Variants in UNC5D observed in about 807,000 individuals in gnomAD.
UNC5D encodes netrin receptor UNC5D.
A neutral mutation model predicts 105.4 loss-of-function variants in UNC5D; 39 were observed. The observed-to-expected ratio is 0.37, with a 90% CI of 0.29 to 0.48. The LOEUF (loss-of-function observed/expected upper bound fraction) is 0.48, where lower values mean the gene tolerates loss of function less well. Ranked by LOEUF, UNC5D falls within the 20% of genes least tolerant of loss-of-function variation. The pLI, the probability that UNC5D is intolerant of heterozygous loss-of-function variation, is 0.98. For missense variants in UNC5D, 991 were observed against 1,202.4 expected, an observed-to-expected ratio of 0.82 and a Z score of 2.60; for synonymous variants, 452 against 450.4, an observed-to-expected ratio of 1.00 and a Z score of -0.04.
chr8:35,639,923 A>G (rs1268397291), intron 4 of UNC5D, among the ~76,000 whole-genome samples: 1 of 151,338 alleles, frequency 6.6e-6, no homozygotes, highest in Non-Finnish European at 1.5e-5. Context: ...ATGAGGTCTC[A>G]TTTATTGCCC....
intron 4 of UNC5D, among the ~76,000 whole-genome samples, chr8:35,609,807 G>A (rs1820555303): frequency 6.6e-6 from 1 of 152,156 alleles, no homozygotes; most frequent in African/African-American, 2.4e-5. Context: ...GGGGCTCATG[G>A]GGTCACCACT....
intron 1 of UNC5D, chr8:35,544,362 C>T: frequency 6.3e-7 from 1 of 1,582,758 alleles, no homozygotes. Flanking sequence ...ACGTTTTCTG[C>T]CACAAATAAC....
chr8:35,742,090 G>A (rs981031653), intron 11 of UNC5D, among the ~76,000 whole-genome samples: 1 of 152,020 alleles, frequency 6.6e-6, no homozygotes, highest in Non-Finnish European at 1.5e-5. Flanking sequence ...CACACATAGC[G>A]ATTACCAGAA....
intron 1 of UNC5D, among the ~76,000 whole-genome samples, chr8:35,384,714 T>C (rs958143189): frequency 1.3e-5 from 2 of 152,222 alleles, no homozygotes; most frequent in Admixed American, 1.3e-4. Context: ...GGTAAAAATT[T>C]CCGTGTATTT....
intron 1 of UNC5D, among the ~76,000 whole-genome samples, chr8:35,491,646 C>T (rs1050301016): frequency 1.3e-5 from 2 of 151,946 alleles, no homozygotes; most frequent in Non-Finnish European, 1.5e-5. Context: ...GGATCCACGA[C>T]TGGAAATACT....
At chr8:35,659,102 ATTT>A (rs1343557123) in intron 4 of UNC5D, among the ~76,000 whole-genome samples, 1 of 152,214 alleles carries the variant, frequency 6.6e-6, no homozygotes, top group Non-Finnish European at 1.5e-5. Flanking sequence ...TATGCTATGC[ATTT>A]TTATCATACT....
At chr8:35,536,852 C>T (rs556187100) in intron 1 of UNC5D, among the ~76,000 whole-genome samples, 26 of 151,864 alleles carry the variant, frequency 1.7e-4, no homozygotes, top group Non-Finnish European at 3.4e-4. Context: ...AAAATTTAGC[C>T]GGGTGTAGTG....
At chr8:35,353,923 T>C (rs1355077760) in intron 1 of UNC5D, among the ~76,000 whole-genome samples, 1 of 152,142 alleles carries the variant, frequency 6.6e-6, no homozygotes, top group Non-Finnish European at 1.5e-5. Context: ...GAGTACTGAC[T>C]GGCTAGAGAC....
intron 14 of UNC5D, among the ~76,000 whole-genome samples, chr8:35,761,057 G>C (rs1028522978): frequency 1.3e-5 from 2 of 151,840 alleles, no homozygotes; most frequent in African/African-American, 4.8e-5. Flanking sequence ...AGGGGGCCAG[G>C]GGCACATTCA....
At chr8:35,759,245 GT>G in intron 13 of UNC5D, 74 bp from the exon 14 acceptor site, 1 of 1,541,164 alleles carries the variant, frequency 6.5e-7, no homozygotes, top group Middle Eastern at 1.7e-4. Context: ...GTGAGCATGT[GT>G]ATCCCTAGAT....
intron 1 of UNC5D, among the ~76,000 whole-genome samples, chr8:35,285,111 A>G (rs1806494673): frequency 6.6e-6 from 1 of 152,228 alleles, no homozygotes. Context: ...GCTGTTATAC[A>G]ATACCACAAA....
At chr8:35,288,626 C>A (rs549397179) in intron 1 of UNC5D, among the ~76,000 whole-genome samples, 18 of 151,958 alleles carry the variant, frequency 1.2e-4, no homozygotes, top group Non-Finnish European at 1.8e-4. Context: ...GGTTAACACA[C>A]AAAAAAATTG....
chr8:35,428,821 C>T (rs1366955709), intron 1 of UNC5D, among the ~76,000 whole-genome samples: 1 of 151,964 alleles, frequency 6.6e-6, no homozygotes, highest in Admixed American at 6.6e-5. Context: ...CCAACCATCC[C>T]TCACTGAAGA....
chr8:35,326,913 G>C (rs999946323), intron 1 of UNC5D, among the ~76,000 whole-genome samples: 13 of 152,080 alleles, frequency 8.5e-5, no homozygotes, highest in African/African-American at 2.9e-4. Flanking sequence ...TATGTGTATT[G>C]GATACAAAAA....
At chr8:35,434,752 G>C (rs1806892015) in intron 1 of UNC5D, among the ~76,000 whole-genome samples, 1 of 152,058 alleles carries the variant, frequency 6.6e-6, no homozygotes, top group Admixed American at 6.6e-5. Context: ...AGCAAGTTAG[G>C]AGCGTGAAAA....
At chr8:35,601,126 G>A (rs918003465) in intron 4 of UNC5D, among the ~76,000 whole-genome samples, 141 of 152,054 alleles carry the variant, frequency 9.3e-4, no homozygotes, top group African/African-American at 3.1e-3. Context: ...GCGGCATTAT[G>A]TCTGAGGGCT....
At chr8:35,592,856 C>T (rs1448314402) in intron 3 of UNC5D, among the ~76,000 whole-genome samples, 1 of 152,010 alleles carries the variant, frequency 6.6e-6, no homozygotes, top group Non-Finnish European at 1.5e-5. Context: ...TTTATGTACA[C>T]CTTTGGGAGG....
At position 35,388,977 on chromosome 8, in the gene UNC5D, A is replaced by G. The variant is rs80038236; in HGVS notation, c.103+153090A>G. ...AAGTAAGGCATTTTTTTCAATGTTC[A>G]TTGACGGTGTTCATTGTCATTGTTT... is the stretch of plus-strand genomic sequence containing the variant. On this transcript the variant is annotated intron_variant, in intron 1 of 16. Transcript: ENST00000404895. Among the ~76,000 whole-genome samples, 545 of 152,280 alleles carry G rather than the reference A, an allele frequency of 3.6e-3. 24 individuals carry two copies. The East Asian group carries it at 0.097, about 27-fold the overall frequency.
At chr8:35,724,306 T>C in intron 9 of UNC5D, 1 of 1,535,306 alleles carries the variant, frequency 6.5e-7, no homozygotes, top group Non-Finnish European at 8.7e-7. Context: ...AATGCCACTC[T>C]CCCTGCATTT....
Sources: gnomAD v4.1 joint callset for allele counts (sites outside exome capture counted in the v4.1 genomes callset) on GRCh38, gnomAD v4.1.1 for gene constraint, MANE v1.5 for transcripts, NCBI Gene and HGNC (gene_info 2026-07-23, HGNC 2026-07-21) for gene names.